ARK2C: variants seen among roughly 807,000 people sequenced by gnomAD.
ARK2C encodes E3 ubiquitin-protein ligase ARK2C.
At chr18:46,448,237 T>C in the ARK2C span, among the ~76,000 whole-genome samples, 1 of 150,760 alleles carries the variant, frequency 6.6e-6, no homozygotes, top group South Asian at 2.1e-4. Context: ...CCTCTGTATA[T>C]CAACACCCCA....
the ARK2C span, among the ~76,000 whole-genome samples, chr18:46,352,300 C>T: frequency 2.0e-5 from 3 of 152,360 alleles, no homozygotes; most frequent in East Asian, 5.8e-4. Context: ...CTAGAATCTA[C>T]ACTTTTGTTA....
At chr18:46,400,618 C>T in the ARK2C span, among the ~76,000 whole-genome samples, 1 of 152,210 alleles carries the variant, frequency 6.6e-6, no homozygotes, top group African/African-American at 2.4e-5. Context: ...CAGAACTCCC[C>T]CATTCTCACA....
the ARK2C span, among the ~76,000 whole-genome samples, chr18:46,376,224 A>G: frequency 6.6e-6 from 1 of 152,208 alleles, no homozygotes; most frequent in South Asian, 2.1e-4. Context: ...AGTTCTCTCT[A>G]AAATCAACAC....
At chr18:46,442,754 G>A in the ARK2C span, among the ~76,000 whole-genome samples, 7 of 152,050 alleles carry the variant, frequency 4.6e-5, no homozygotes, top group African/African-American at 1.7e-4. Flanking sequence ...GAGGGTGGAT[G>A]TCTAGAACTC....
chr18:46,337,008 G>A, the ARK2C span: 5 of 985,300 alleles, frequency 5.1e-6, no homozygotes, highest in East Asian at 5.7e-4. Context: ...ATTGTACAAT[G>A]TCAAGAGCAT....
the ARK2C span, among the ~76,000 whole-genome samples, chr18:46,412,679 C>T: frequency 1.3e-5 from 2 of 152,190 alleles, no homozygotes; most frequent in Non-Finnish European, 2.9e-5. Context: ...TGTGGTCAGG[C>T]CGGAAGGGAA....
chr18:46,336,169 G>T, the ARK2C span: 6 of 985,366 alleles, frequency 6.1e-6, no homozygotes, highest in East Asian at 4.5e-4. Flanking sequence ...CTTAAAACGG[G>T]TGTGGAACAT....
chr18:46,383,095 G>A, the ARK2C span, among the ~76,000 whole-genome samples: 1 of 152,254 alleles, frequency 6.6e-6, no homozygotes, highest in African/African-American at 2.4e-5. Flanking sequence ...GCTGGGCCAG[G>A]AGCAGGCCAA....
chr18:46,423,582 G>A, the ARK2C span, among the ~76,000 whole-genome samples: 2 of 152,198 alleles, frequency 1.3e-5, no homozygotes, highest in Non-Finnish European at 2.9e-5. Flanking sequence ...GACGTGTATG[G>A]TTGTATGAGG....
the ARK2C span, among the ~76,000 whole-genome samples, chr18:46,443,322 A>C: frequency 6.6e-6 from 1 of 152,056 alleles, no homozygotes; most frequent in Non-Finnish European, 1.5e-5. Context: ...ATTTTATCTT[A>C]TTTTATTTTG....
chr18:46,398,851 G>C, the ARK2C span, among the ~76,000 whole-genome samples: 1 of 151,992 alleles, frequency 6.6e-6, no homozygotes. Flanking sequence ...TCTCTCGTCT[G>C]GTCATTATCT....
the ARK2C span, among the ~76,000 whole-genome samples, chr18:46,408,234 G>T: frequency 6.6e-6 from 1 of 152,236 alleles, no homozygotes; most frequent in Non-Finnish European, 1.5e-5. Context: ...TGATTCAGGG[G>T]AAGGTCCGCA....
chr18:46,462,734 G>A, the ARK2C span: 3 of 152,412 alleles, frequency 2.0e-5, no homozygotes, highest in Non-Finnish European at 4.4e-5. Context: ...GGTCAGAGTG[G>A]AAAGGGGCCC....
chr18:46,346,373 A>G, the ARK2C span, among the ~76,000 whole-genome samples: 1 of 152,200 alleles, frequency 6.6e-6, no homozygotes, highest in African/African-American at 2.4e-5. Context: ...GTACTGTGCG[A>G]ACATCACTAC....
At chr18:46,355,302 A>G in the ARK2C span, among the ~76,000 whole-genome samples, 1 of 152,148 alleles carries the variant, frequency 6.6e-6, no homozygotes, top group Admixed American at 6.5e-5. Flanking sequence ...AGAACTGAGG[A>G]TGAACATATC....
chr18:46,410,241 T>C, the ARK2C span, among the ~76,000 whole-genome samples: 2 of 152,244 alleles, frequency 1.3e-5, no homozygotes, highest in Non-Finnish European at 2.9e-5. Context: ...TCAGCTCTGC[T>C]GCTTCCTCTC....
chr18:46,366,506 T>A, the ARK2C span, among the ~76,000 whole-genome samples: 1 of 152,118 alleles, frequency 6.6e-6, no homozygotes, highest in Non-Finnish European at 1.5e-5. Flanking sequence ...CCAGACAATT[T>A]GGTGAGGAGG....
the ARK2C span, among the ~76,000 whole-genome samples, chr18:46,348,235 G>C: frequency 5.9e-5 from 9 of 151,618 alleles, no homozygotes; most frequent in Middle Eastern, 3.4e-3. Flanking sequence ...GGGCTGGGGG[G>C]GGTGAGGGGA....
chr18:46,377,042 G>A, the ARK2C span, among the ~76,000 whole-genome samples: 342 of 152,282 alleles, frequency 2.2e-3, no homozygotes, highest in Non-Finnish European at 3.9e-3. Flanking sequence ...GGAGTGGTCA[G>A]GCACCTAGGA....
Sources: allele counts gnomAD v4.1 joint callset (sites outside exome capture counted in the v4.1 genomes callset), GRCh38; gene constraint gnomAD v4.1.1; transcripts MANE v1.5; gene names NCBI Gene and HGNC (gene_info 2026-07-23, HGNC 2026-07-21).